The following BID variants were observed in gnomAD, a reference collection of about 807,000 sequenced individuals.
The protein encoded by BID is BH3-interacting domain death agonist.
BID carries 19 observed loss-of-function variants against 17.4 expected under a neutral mutation model. The ratio of observed to expected loss-of-function variants is 1.09; its 90% CI spans 0.76 to 1.60. BID has a LOEUF of 1.60. BID is among the 40% of genes most tolerant of loss of function. The probability of loss-of-function intolerance (pLI) is 0.00; values close to 1 mark genes in which losing one functional copy is unlikely to be tolerated. For missense variants in BID, 226 were observed against 256.0 expected (o/e 0.88, Z 0.80); for synonymous variants, 108 against 102.8 (o/e 1.05, Z -0.31).
chr22:17,757,014 G>A (rs1277972147), intron 1 of BID, among the ~76,000 whole-genome samples: 1 of 152,120 alleles, frequency 6.6e-6, no homozygotes, highest in African/African-American at 2.4e-5. Context: ...CAGCAATGAG[G>A]GCACAAAAGC....
chr22:17,756,430 TTCTTC>T lies in BID; in HGVS notation c.-58-6261_-58-6257del, dbSNP rs1186258815. Among the ~76,000 whole-genome samples, 7 of 55,920 alleles carry T rather than the reference TTCTTC, an allele frequency of 1.3e-4. No individual in the cohort carries two copies. The East Asian group carries it at 0.019, about 149-fold the overall frequency. The allele number at this position is 55,920 out of a possible 152,430, so 36.7% of individuals were successfully genotyped here. A position where few individuals can be genotyped will look rare whatever the true frequency, so the allele number is the denominator to read the frequency against. On this transcript the variant is annotated intron_variant, in intron 1 of 5. Coordinates refer to ENST00000622694, the MANE Select transcript of BID (RefSeq NM_001196.4). ...TTTTTCTCTTTCTTTCTTTCTTTCT[TTCTTC>T]TTTCTTTCTTTCTTTCTTTCTTTCT...
intron 4 of BID, among the ~76,000 whole-genome samples, chr22:17,738,679 G>A (rs1315748888): frequency 6.6e-6 from 1 of 152,152 alleles, no homozygotes; most frequent in African/African-American, 2.4e-5. Context: ...TTACATGGGA[G>A]TGCGCCAGCC....
intron 5 of BID, among the ~76,000 whole-genome samples, chr22:17,737,488 A>G (rs2061428568): frequency 6.6e-6 from 1 of 152,128 alleles, no homozygotes; most frequent in African/African-American, 2.4e-5. Flanking sequence ...CTGGGACTAC[A>G]GGTGTGCGCC....
In BID at chr22:17,774,389, A is replaced by G; in HGVS notation, c.-67T>C. On this transcript the variant is annotated 5_prime_UTR_variant, in exon 1 of 6. Coordinates refer to ENST00000622694, the MANE Select transcript of BID (RefSeq NM_001196.4). ...GGCGCGGGTGCACTCACCACCCTCC[A>G]GCCGCGGGGGCGCGGGCGCGTCCGG... is the stretch of plus-strand genomic sequence containing the variant. 1 of 231,556 alleles carries G rather than the reference A, an allele frequency of 4.3e-6. No homozygotes were observed. The highest frequency in any genetic ancestry group is 4.1e-5 in the South Asian group (1 of 24,490). The allele number at this position is 231,556 out of a possible 1,614,324, so 14.3% of individuals were successfully genotyped here. A position where few individuals can be genotyped will look rare whatever the true frequency, so the allele number is the denominator to read the frequency against.
chr22:17,752,671 A>AT (rs5844325), intron 1 of BID, among the ~76,000 whole-genome samples: 79,577 of 149,314 alleles, frequency 0.53, 21,650 homozygotes, highest in East Asian at 0.94. Context: ...CCAATGGGAC[A>AT]TTTTTTTTTT....
intron 5 of BID, among the ~76,000 whole-genome samples, chr22:17,736,781 T>C (rs1381224503): frequency 6.6e-6 from 1 of 151,676 alleles, no homozygotes; most frequent in East Asian, 1.9e-4. Flanking sequence ...CGGCGTGAAC[T>C]ACAGGCGTAC....
chr22:17,752,848 G>A (rs1197323744), intron 1 of BID, among the ~76,000 whole-genome samples: 1 of 151,684 alleles, frequency 6.6e-6, no homozygotes, highest in Non-Finnish European at 1.5e-5. Flanking sequence ...TGTATTTTTC[G>A]TACAGACGGG....
intron 2 of BID, among the ~76,000 whole-genome samples, chr22:17,749,141 G>T (rs1020121119): frequency 2.0e-5 from 3 of 152,304 alleles, no homozygotes; most frequent in South Asian, 2.1e-4. Flanking sequence ...CCCAGAGGCT[G>T]CCAGGACAGC....
intron 2 of BID, among the ~76,000 whole-genome samples, chr22:17,749,854 G>A (rs1350300076): frequency 6.6e-6 from 1 of 152,202 alleles, no homozygotes; most frequent in Non-Finnish European, 1.5e-5. Flanking sequence ...CTTGCAGTTA[G>A]CCCCAGGCGC....
rs1329625242 is a variant in BID at position 17,734,738 on chromosome 22, G to T, written c.*842C>A. 1.3e-5 allele frequency: 2 copies of T among 152,210 alleles called. No individual in the cohort carries two copies. Among genetic ancestry groups the T allele is most frequent in the Admixed American group, 6.5e-5 (1 of 15,282 alleles). 9.4% of individuals were successfully genotyped at this position (152,210 alleles called of 1,614,324 possible). A position where few individuals can be genotyped will look rare whatever the true frequency, so the allele number is the denominator to read the frequency against. On this transcript the variant is annotated 3_prime_UTR_variant, in exon 6 of 6. Coordinates refer to ENST00000622694, the MANE Select transcript of BID (RefSeq NM_001196.4). ...TGGAAGTTTACAGCTATTACCAGGG[G>T]GCTAACTCCCGGGGCATCGCAGTAG...
chr22:17,758,144 C>CT (rs1200850517), intron 1 of BID, among the ~76,000 whole-genome samples: 1 of 152,218 alleles, frequency 6.6e-6, no homozygotes, highest in Non-Finnish European at 1.5e-5. Context: ...TCTCATATCT[C>CT]TTTTATTCAG....
rs139259366 is a variant in BID, at chr22:17,773,755, A to C, written c.-59+626T>G. ...GCCACTTGGTGGCTGAGGGCTTCAG[A>C]GCTCTCCCAGGGTCCCCTGGGGTCA... On this transcript the variant is annotated intron_variant, in intron 1 of 5. Transcript: ENST00000622694. This position sits in a 1 kb window ranked among gnomAD's most constrained non-coding sequence, Gnocchi z 4.4. 3.2e-3 allele frequency: 4,863 copies of C among 1,514,670 alleles called. 7 individuals carry two copies. Among genetic ancestry groups the C allele is most frequent in the Non-Finnish European group, 3.9e-3 (4,288 of 1,112,124 alleles). The allele number at this position is 1,514,670 out of a possible 1,614,324, so 93.8% of individuals were successfully genotyped here.
chr22:17,738,506 C>G (rs1487522120), intron 4 of BID, among the ~76,000 whole-genome samples: 1 of 152,174 alleles, frequency 6.6e-6, no homozygotes, highest in African/African-American at 2.4e-5. Flanking sequence ...ATCCCTGCGC[C>G]CAAGGCACTT....
chr22:17,754,663 G>A (rs2061568222), intron 1 of BID, among the ~76,000 whole-genome samples: 1 of 152,234 alleles, frequency 6.6e-6, no homozygotes, highest in Non-Finnish European at 1.5e-5. Context: ...TATCTGCAGG[G>A]CAGTCCTCTC....
In BID at chr22:17,769,574, C is replaced by T. The variant is rs879871868; in HGVS notation, c.-59+4807G>A. 6.6e-6 allele frequency among the ~76,000 whole-genome samples: 1 copy of T among 152,206 alleles called. No homozygotes were observed. The highest frequency in any genetic ancestry group is 1.5e-5 in the Non-Finnish European group (1 of 68,032). ...GGCTGTGCTGTCATCCAGAGTGCCA[C>T]CCCGCTTTTCCAGGGCACAGCAAGG... On this transcript the variant is annotated intron_variant, in intron 1 of 5. Transcript: ENST00000622694. This position sits in a 1 kb window ranked among gnomAD's most constrained non-coding sequence, Gnocchi z 4.8.
chr22:17,761,304 T>C (rs1467755008), intron 1 of BID, among the ~76,000 whole-genome samples: 1 of 152,196 alleles, frequency 6.6e-6, no homozygotes, highest in Non-Finnish European at 1.5e-5. Flanking sequence ...ACCTTTGTTC[T>C]TTGTTTTTTC....
chr22:17,737,136 GAC>G, intron 5 of BID, among the ~76,000 whole-genome samples: 1 of 152,084 alleles, frequency 6.6e-6, no homozygotes, highest in Admixed American at 6.5e-5. Context: ...ATTTTTTAGA[GAC>G]AGGGTCTCGC....
chr22:17,734,361 C>T lies in BID; in HGVS notation c.*1219G>A, dbSNP rs953919817. 1 of 152,144 alleles carries T rather than the reference C, an allele frequency of 6.6e-6. No individual in the cohort carries two copies. The highest frequency in any genetic ancestry group is 2.4e-5 in the African/African-American group (1 of 41,418). The allele number at this position is 152,144 out of a possible 1,614,324, so 9.4% of individuals were successfully genotyped here. A position where few individuals can be genotyped will look rare whatever the true frequency, so the allele number is the denominator to read the frequency against. ...AGAAGAAATCATGAGTCCGTCAGTGCCCTTACTCATATGCGTCTCCAGTGG... is the reference window on the plus strand; with the variant it reads ...AGAAGAAATCATGAGTCCGTCAGTGTCCTTACTCATATGCGTCTCCAGTGG... On this transcript the variant is annotated 3_prime_UTR_variant, in exon 6 of 6. Coordinates refer to ENST00000622694, the MANE Select transcript of BID (RefSeq NM_001196.4).
At chr22:17,742,604 G>A (rs2061468404) in intron 3 of BID, among the ~76,000 whole-genome samples, 1 of 151,904 alleles carries the variant, frequency 6.6e-6, no homozygotes, top group African/African-American at 2.4e-5. Context: ...CCACCAGAGG[G>A]CAGTGCAACC....
Sources: gnomAD v4.1 joint callset for allele counts (sites outside exome capture counted in the v4.1 genomes callset) on GRCh38, gnomAD v4.1.1 for gene constraint, Gnocchi (gnomAD v3.1) non-coding constraint, MANE v1.5 for transcripts, NCBI Gene and HGNC (gene_info 2026-07-23, HGNC 2026-07-21) for gene names.